The following ALPK1 variants were observed in gnomAD, a reference collection of about 807,000 sequenced individuals.
ALPK1 encodes alpha kinase 1.
A neutral mutation model predicts 120.6 loss-of-function variants in ALPK1; 110 were observed. The ratio of observed to expected loss-of-function variants is 0.91; its 90% CI spans 0.78 to 1.07. The LOEUF (loss-of-function observed/expected upper bound fraction) is 1.07, where lower values mean the gene tolerates loss of function less well. Ranked by LOEUF, ALPK1 falls within the 50% of genes least tolerant of loss-of-function variation. The probability of loss-of-function intolerance (pLI) is 0.00; values close to 1 mark genes in which losing one functional copy is unlikely to be tolerated. For missense variants in ALPK1, 1,498 were observed against 1,483.9 expected, an observed-to-expected ratio of 1.01 and a Z score of -0.16; for synonymous variants, 582 against 560.3, an observed-to-expected ratio of 1.04 and a Z score of -0.55.
chr4:112,326,895 G>A (rs1729141861), intron 2 of ALPK1, among the ~76,000 whole-genome samples: 1 of 152,198 alleles, frequency 6.6e-6, no homozygotes. Flanking sequence ...GGAAGAGTGG[G>A]TTACAGTTTC....
At chr4:112,334,433 A>T (rs1235169362) in intron 2 of ALPK1, among the ~76,000 whole-genome samples, 1 of 40,732 alleles carries the variant, frequency 2.5e-5, no homozygotes, top group Non-Finnish European at 5.0e-5. Flanking sequence ...ACTCTGCCTC[A>T]AAAAAAAAAA....
At chr4:112,382,693 G>A in intron 4 of ALPK1, 141 bp downstream of exon 4, 1 of 1,180,234 alleles carries the variant, frequency 8.5e-7, no homozygotes, top group Non-Finnish European at 1.2e-6. Flanking sequence ...TGACTAATGT[G>A]AGGGAAATAG....
intron 2 of ALPK1, among the ~76,000 whole-genome samples, chr4:112,363,152 C>T (rs1424974770): frequency 6.6e-6 from 1 of 152,178 alleles, no homozygotes; most frequent in African/African-American, 2.4e-5. Context: ...TTAAATCTCA[C>T]AGGACCTATA....
At chr4:112,421,975 C>G (rs564458272) in intron 5 of ALPK1, among the ~76,000 whole-genome samples, 5 of 152,320 alleles carry the variant, frequency 3.3e-5, no homozygotes, top group Admixed American at 6.5e-5. Flanking sequence ...CATCACTACT[C>G]CTGTCCTTTG....
chr4:112,324,451 T>C (rs1257421896), intron 2 of ALPK1, among the ~76,000 whole-genome samples: 1 of 151,930 alleles, frequency 6.6e-6, no homozygotes, highest in Non-Finnish European at 1.5e-5. Context: ...TGGCTTTTTT[T>C]GTTTGTTTGT....
At chr4:112,373,637 A>G (rs941919352) in intron 2 of ALPK1, among the ~76,000 whole-genome samples, 4 of 152,140 alleles carry the variant, frequency 2.6e-5, no homozygotes, top group African/African-American at 9.7e-5. Context: ...CGTACCTGTA[A>G]TCCTACTTGG....
intron 2 of ALPK1, among the ~76,000 whole-genome samples, chr4:112,346,921 T>C (rs1730127419): frequency 6.6e-6 from 1 of 152,222 alleles, no homozygotes; most frequent in South Asian, 2.1e-4. Context: ...TTGACTACAC[T>C]GGGGCCTCCT....
Position 112,441,043 on chromosome 4 carries a change from A to T in ALPK1, c.3665A>T (p.His1222Leu). ...ATTTTTTACTTCTTTAATAACCAGC[A>T]TGTGGAATGTAATGAAATCTGCCAT... ...RGIFYFFNNQ[H>L]VECNEICHRL... The change falls in exon 15 of 16, where the codon CAT (histidine) becomes CTT (leucine). Residue 1222 changes from histidine (H) to leucine (L), a missense_variant. Coordinates refer to ENST00000650871, the MANE Select transcript of ALPK1 (RefSeq NM_025144.4). 1 of 1,614,010 alleles carries T rather than the reference A, an allele frequency of 6.2e-7. No individual in the cohort carries two copies.
chr4:112,304,254 G>T (rs1007529321), intron 1 of ALPK1, among the ~76,000 whole-genome samples: 2 of 151,966 alleles, frequency 1.3e-5, no homozygotes, highest in Non-Finnish European at 2.9e-5. Flanking sequence ...TAATCCTTTG[G>T]GTATATACCC....
chr4:112,328,628 A>G (rs1291586377), intron 2 of ALPK1, among the ~76,000 whole-genome samples: 1 of 152,216 alleles, frequency 6.6e-6, no homozygotes, highest in Non-Finnish European at 1.5e-5. Flanking sequence ...CAGGACTCCT[A>G]AGAAAGCTCT....
chr4:112,426,498 G>T lies in ALPK1; in HGVS notation c.654G>T (p.Trp218Cys). 1 of 1,599,808 alleles carries T rather than the reference G, an allele frequency of 6.3e-7. No homozygotes were observed. Among genetic ancestry groups the T allele is most frequent in the African/African-American group, 1.4e-5 (1 of 73,826 alleles). ...GGTACGAAGCAGCAGAGTTAATATG[G>T]GCCTCCATTGTAGGATATTTGGCAC... is the stretch of plus-strand genomic sequence containing the variant. ...GMWYEAAELIWASIVGYLALP... is the reference protein window; with the variant it reads ...GMWYEAAELICASIVGYLALP... Residue 218 changes from tryptophan (W) to cysteine (C), a missense_variant, in exon 8 of 16, where the codon TGG becomes TGT. Coordinates refer to ENST00000650871, the MANE Select transcript of ALPK1 (RefSeq NM_025144.4).
chr4:112,406,739 A>T (rs1214534573), intron 4 of ALPK1, among the ~76,000 whole-genome samples: 1 of 143,720 alleles, frequency 7.0e-6, no homozygotes, highest in African/African-American at 2.7e-5. Context: ...GGCTGGCCAT[A>T]AAAAAATTCT....
At chr4:112,391,214 T>C (rs1211617016) in intron 4 of ALPK1, among the ~76,000 whole-genome samples, 1 of 152,148 alleles carries the variant, frequency 6.6e-6, no homozygotes, top group Non-Finnish European at 1.5e-5. Flanking sequence ...TAGCAGAAGA[T>C]TTATGAGCCG....
chr4:112,412,381 A>G (rs1733524608), intron 5 of ALPK1: 1 of 480,830 alleles, frequency 2.1e-6, no homozygotes, highest in South Asian at 1.5e-5. Context: ...TTAGAATTCT[A>G]CTATTTTCTC....
At chr4:112,375,629 G>A (rs1342482520) in intron 2 of ALPK1, among the ~76,000 whole-genome samples, 5 of 152,126 alleles carry the variant, frequency 3.3e-5, no homozygotes, top group Admixed American at 6.5e-5. Flanking sequence ...TTAAGGGAGT[G>A]TTGTGGCTGG....
At chr4:112,400,289 A>G (rs1299148920) in intron 4 of ALPK1, among the ~76,000 whole-genome samples, 1 of 152,240 alleles carries the variant, frequency 6.6e-6, no homozygotes, top group African/African-American at 2.4e-5. Flanking sequence ...TAAGTAAGAT[A>G]TTGGTATCAC....
intron 2 of ALPK1, among the ~76,000 whole-genome samples, chr4:112,345,266 T>C (rs750761538): frequency 3.3e-5 from 5 of 152,222 alleles, no homozygotes; most frequent in Non-Finnish European, 7.3e-5. Context: ...TTTTTGTTTG[T>C]ATTTTGCTTA....
At chr4:112,359,241 G>T in intron 2 of ALPK1, 1 of 553,460 alleles carries the variant, frequency 1.8e-6, no homozygotes, top group Non-Finnish European at 3.3e-6. Context: ...AGCGCCCAGA[G>T]CAGGGAAGCA....
intron 3 of ALPK1, 136 bp from the exon 4 acceptor site, chr4:112,382,262 A>C (rs1364867205): frequency 9.3e-7 from 1 of 1,071,654 alleles, no homozygotes; most frequent in Non-Finnish European, 1.3e-6. Context: ...TAGACCAGCC[A>C]GCAAGAGGCA....
Sources: gnomAD v4.1 joint callset for allele counts (sites outside exome capture counted in the v4.1 genomes callset) on GRCh38, gnomAD v4.1.1 for gene constraint, MANE v1.5 for transcripts, NCBI Gene and HGNC (gene_info 2026-07-23, HGNC 2026-07-21) for gene names.